The following C10orf90 variants were observed in gnomAD, a reference collection of about 807,000 sequenced individuals.
The protein encoded by C10orf90 is (E2-independent) E3 ubiquitin-conjugating enzyme FATS.
Under a neutral mutation model 62.5 loss-of-function variants are expected in C10orf90, and 56 were observed. The ratio of observed to expected loss-of-function variants is 0.90; its 90% CI spans 0.72 to 1.12. C10orf90 has a LOEUF of 1.12. C10orf90 is among the 50% of genes most tolerant of loss of function. The pLI is 0.00. For missense variants in C10orf90, 970 were observed against 880.4 expected, an observed-to-expected ratio of 1.10 and a Z score of -1.29; for synonymous variants, 386 against 340.4, an observed-to-expected ratio of 1.13 and a Z score of -1.47.
chr10:126,526,034 AC>A (rs1863932688), intron 2 of C10orf90, among the ~76,000 whole-genome samples: 1 of 150,734 alleles, frequency 6.6e-6, no homozygotes, highest in Non-Finnish European at 1.5e-5. Flanking sequence ...ACACACACAC[AC>A]ACACACACAC....
At chr10:126,647,772 CT>C (rs968403679) in intron 1 of C10orf90, among the ~76,000 whole-genome samples, 1 of 152,222 alleles carries the variant, frequency 6.6e-6, no homozygotes, top group African/African-American at 2.4e-5. Flanking sequence ...CATACATCCT[CT>C]CATTGAATTC....
intron 2 of C10orf90, among the ~76,000 whole-genome samples, chr10:126,639,417 C>A (rs890918100): frequency 6.6e-6 from 1 of 152,196 alleles, no homozygotes; most frequent in South Asian, 2.1e-4. Flanking sequence ...GTCTCTCAGA[C>A]CTGGCTCCTT....
chr10:126,473,252 C>T (rs187747928), intron 4 of C10orf90, among the ~76,000 whole-genome samples: 212 of 152,294 alleles, frequency 1.4e-3, no homozygotes, highest in Non-Finnish European at 1.7e-3. Context: ...TCTGTTCATG[C>T]CTATTACTCA....
At chr10:126,623,000 G>A (rs374394305) in intron 2 of C10orf90, among the ~76,000 whole-genome samples, 14 of 152,160 alleles carry the variant, frequency 9.2e-5, no homozygotes, top group African/African-American at 3.1e-4. Flanking sequence ...CAAAAGGCTC[G>A]ATGCCATCAT....
intron 2 of C10orf90, among the ~76,000 whole-genome samples, chr10:126,515,787 T>C (rs1015968269): frequency 3.3e-5 from 5 of 152,226 alleles, no homozygotes; most frequent in Non-Finnish European, 5.9e-5. Context: ...AGGGCCACCA[T>C]TGACCTGTCC....
In C10orf90 at chr10:126,456,979, T is replaced by TTTTTGCTTTTGTA. The variant is rs144301227; in HGVS notation, c.2188+2048_2188+2060dup. Reference sequence around the variant, plus strand: ...AGTTTCTGGGCTTGTTTTGTTTTTGTTTTTGCTTTTGTATTTTGCTTTTTC... The same window carrying TTTTTGCTTTTGTA: ...AGTTTCTGGGCTTGTTTTGTTTTTGTTTTTGCTTTTGTATTTTGCTTTTGTATTTTGCTTTTTC... On this transcript the variant is annotated intron_variant, in intron 7 of 9. Coordinates refer to ENST00000488181, the MANE Select transcript of C10orf90 (RefSeq NM_001350921.2). This position sits in a 1 kb window ranked among gnomAD's most constrained non-coding sequence, Gnocchi z 4.9. Among the ~76,000 whole-genome samples, 1 of 152,116 alleles carries TTTTTGCTTTTGTA rather than the reference T, an allele frequency of 6.6e-6. No individual in the cohort carries two copies. Among genetic ancestry groups the TTTTTGCTTTTGTA allele is most frequent in the Non-Finnish European group, 1.5e-5 (1 of 68,020 alleles).
intron 2 of C10orf90, among the ~76,000 whole-genome samples, chr10:126,637,720 AGGGT>A (rs1564903491): frequency 1.3e-5 from 2 of 152,208 alleles, no homozygotes; most frequent in South Asian, 4.1e-4. Flanking sequence ...ATGGTGGCAG[AGGGT>A]GGGACAGAGT....
chr10:126,600,319 G>T (rs564749222), intron 2 of C10orf90, among the ~76,000 whole-genome samples: 2 of 152,208 alleles, frequency 1.3e-5, no homozygotes, highest in East Asian at 1.9e-4. Flanking sequence ...CCTGGGAGAC[G>T]CTACAGAAAA....
At chr10:126,569,312 C>T (rs199810112) in intron 2 of C10orf90, among the ~76,000 whole-genome samples, 4 of 152,246 alleles carry the variant, frequency 2.6e-5, no homozygotes, top group Middle Eastern at 3.4e-3. Context: ...TGGGGCCCCA[C>T]GAGATTCCTG....
chr10:126,670,135 T>G (rs527836691), intron 1 of C10orf90, 106 bp downstream of exon 1: 1 of 363,606 alleles, frequency 2.8e-6, no homozygotes, highest in Non-Finnish European at 5.5e-6. Flanking sequence ...ACACAAATGA[T>G]TAATTTATTA....
chr10:126,433,457 G>A (rs1857711550), intron 7 of C10orf90, among the ~76,000 whole-genome samples: 1 of 152,106 alleles, frequency 6.6e-6, no homozygotes, highest in Admixed American at 6.5e-5. Flanking sequence ...CCAATAGCCT[G>A]TGGTTGGTAG....
chr10:126,594,490 A>C (rs565726744), intron 2 of C10orf90, among the ~76,000 whole-genome samples: 1 of 152,302 alleles, frequency 6.6e-6, no homozygotes, highest in East Asian at 1.9e-4. Flanking sequence ...ATTCACCTAC[A>C]CCAACCTCTG....
chr10:126,664,216 T>A (rs1008377000), intron 1 of C10orf90, among the ~76,000 whole-genome samples: 4 of 152,102 alleles, frequency 2.6e-5, no homozygotes, highest in Non-Finnish European at 4.4e-5. Context: ...GACCTGACGC[T>A]CTGAGTGTGG....
chr10:126,529,997 T>C (rs1003111028), intron 2 of C10orf90, among the ~76,000 whole-genome samples: 1 of 152,144 alleles, frequency 6.6e-6, no homozygotes, highest in African/African-American at 2.4e-5. Context: ...TGTAAAAAAA[T>C]GGATCTTAAA....
intron 1 of C10orf90, among the ~76,000 whole-genome samples, chr10:126,665,449 T>G (rs1478202989): frequency 6.6e-6 from 1 of 152,210 alleles, no homozygotes; most frequent in African/African-American, 2.4e-5. Context: ...TTAACTTGAG[T>G]GCTTTTATTT....
intron 1 of C10orf90, among the ~76,000 whole-genome samples, chr10:126,650,633 G>A (rs1846273272): frequency 6.6e-6 from 1 of 152,212 alleles, no homozygotes; most frequent in South Asian, 2.1e-4. Flanking sequence ...TTAGGATCAA[G>A]TACCGTAAGA....
intron 2 of C10orf90, among the ~76,000 whole-genome samples, chr10:126,568,540 C>A: frequency 6.6e-6 from 1 of 152,192 alleles, no homozygotes; most frequent in East Asian, 1.9e-4. Flanking sequence ...TAGTCAGACA[C>A]ACCCTGATAA....
At chr10:126,652,026 C>T (rs761811454) in intron 1 of C10orf90, among the ~76,000 whole-genome samples, 18 of 152,108 alleles carry the variant, frequency 1.2e-4, no homozygotes, top group Non-Finnish European at 2.4e-4. Flanking sequence ...TACTCTCTAC[C>T]GCTAATCTAG....
chr10:126,480,243 T>C (rs1379579503), intron 4 of C10orf90, among the ~76,000 whole-genome samples: 2 of 152,250 alleles, frequency 1.3e-5, no homozygotes, highest in Non-Finnish European at 1.5e-5. Flanking sequence ...TAAAGTGTGA[T>C]AAAATGTTAG....
Sources: allele counts gnomAD v4.1 joint callset (sites outside exome capture counted in the v4.1 genomes callset), GRCh38; gene constraint gnomAD v4.1.1; non-coding constraint Gnocchi (gnomAD v3.1); transcripts MANE v1.5; gene names NCBI Gene and HGNC (gene_info 2026-07-23, HGNC 2026-07-21).